IMPG1: variants seen among roughly 807,000 people sequenced by gnomAD.
The protein encoded by IMPG1 is interphotoreceptor matrix proteoglycan of 150 kDa.
Under a neutral mutation model 92.0 loss-of-function variants are expected in IMPG1, and 85 were observed. The observed-to-expected ratio is 0.92, with a 90% CI of 0.78 to 1.11. The LOEUF (loss-of-function observed/expected upper bound fraction) is 1.11, where lower values mean the gene tolerates loss of function less well. Among genes scored for constraint, IMPG1 ranks in the 50% least tolerant of loss-of-function variants. The pLI is 0.00. For synonymous variants in IMPG1, 367 were observed against 334.1 expected (o/e 1.10, Z -1.08); for missense variants, 1,022 against 956.0 (o/e 1.07, Z -0.91).
intron 14 of IMPG1, among the ~76,000 whole-genome samples, chr6:75,932,187 A>G (rs1160549561): frequency 3.9e-5 from 6 of 152,244 alleles, no homozygotes; most frequent in Admixed American, 3.9e-4. Flanking sequence ...CAGTCCTCTG[A>G]CTGGTCTCAC....
At chr6:76,007,289 C>A (rs1039527826) in intron 9 of IMPG1, among the ~76,000 whole-genome samples, 191 bp downstream of exon 9, 2 of 151,244 alleles carry the variant, frequency 1.3e-5, no homozygotes, top group African/African-American at 4.8e-5. Context: ...CACATAGTGA[C>A]TTTGATAAGA....
chr6:76,026,094 G>A (rs985769000), intron 4 of IMPG1, among the ~76,000 whole-genome samples: 9 of 151,050 alleles, frequency 6.0e-5, no homozygotes. Context: ...CATGCGGGAA[G>A]CACTCTAGCA....
At position 75,947,491 on chromosome 6, in the gene IMPG1, G is replaced by A; in HGVS notation, c.1867C>T (p.Leu623Phe). 2 of 1,613,742 alleles carry A rather than the reference G, an allele frequency of 1.2e-6. No individual in the cohort carries two copies. Among genetic ancestry groups the A allele is most frequent in the Non-Finnish European group, 8.5e-7 (1 of 1,179,798 alleles). The change falls in exon 14 of 17, where the codon CTT (leucine) becomes TTT (phenylalanine). Residue 623 changes from leucine to phenylalanine, a missense_variant. This residue lies in a region of IMPG1 where 332 missense variants were observed against 346.2 expected (regional missense o/e 0.96). Transcript: ENST00000369950. Reference protein sequence around the residue: ...LRSNLTGFKQLEILNFRNGSV... With the variant: ...LRSNLTGFKQFEILNFRNGSV... ...CCGTTTCTGAAGTTAAGTATTTCAA[G>A]TTGCTTAAATCCTGTAAGATTGGAT... is the stretch of plus-strand genomic sequence containing the variant.
intron 12 of IMPG1, among the ~76,000 whole-genome samples, chr6:75,982,852 G>A (rs958428750): frequency 6.6e-6 from 1 of 151,942 alleles, no homozygotes; most frequent in African/African-American, 2.4e-5. Flanking sequence ...CCAAAAGAAA[G>A]GGTGAGGAAC....
rs78344737 is a variant in IMPG1 at position 76,055,913 on chromosome 6, A to T, written c.68-13787T>A. On this transcript the variant is annotated intron_variant, in intron 1 of 16. Coordinates refer to ENST00000369950, the MANE Select transcript of IMPG1 (RefSeq NM_001563.4). ...TTATCATAACCTTAAAAAATTGAGT[A>T]GTCAAATATCTTTCTATGAATATCT... 9.9e-5 allele frequency among the ~76,000 whole-genome samples: 15 copies of T among 152,238 alleles called. No homozygotes were observed. In the East Asian group the frequency reaches 2.9e-3, roughly 29 times the overall value.
intron 14 of IMPG1, among the ~76,000 whole-genome samples, chr6:75,944,460 T>C (rs1240825832): frequency 6.6e-6 from 1 of 152,236 alleles, no homozygotes; most frequent in African/African-American, 2.4e-5. Context: ...AATTCTGCTG[T>C]CCTCAAACAC....
At chr6:75,978,548 G>C (rs556194011) in intron 12 of IMPG1, among the ~76,000 whole-genome samples, 1 of 152,244 alleles carries the variant, frequency 6.6e-6, no homozygotes, top group Admixed American at 6.5e-5. Context: ...ACTATGGCAG[G>C]TTCAGTACTA....
At chr6:76,030,079 C>T (rs980597349) in intron 4 of IMPG1, among the ~76,000 whole-genome samples, 1 of 152,212 alleles carries the variant, frequency 6.6e-6, no homozygotes, top group Non-Finnish European at 1.5e-5. Flanking sequence ...ATTAAGCCAA[C>T]CCCAAGCTTC....
intron 1 of IMPG1, among the ~76,000 whole-genome samples, chr6:76,060,090 C>T (rs1784179971): frequency 6.6e-6 from 1 of 152,174 alleles, no homozygotes; most frequent in African/African-American, 2.4e-5. Context: ...TTTTCCTTAA[C>T]TCTTTTCCTG....
intron 1 of IMPG1, among the ~76,000 whole-genome samples, chr6:76,066,345 G>C (rs1784310442): frequency 1.3e-5 from 2 of 151,992 alleles, no homozygotes; most frequent in Non-Finnish European, 2.9e-5. Flanking sequence ...AACACTCATA[G>C]ACTGAAGCTA....
At chr6:76,021,400 G>C (rs1168114221) in intron 6 of IMPG1, among the ~76,000 whole-genome samples, 1 of 152,106 alleles carries the variant, frequency 6.6e-6, no homozygotes, top group Non-Finnish European at 1.5e-5. Flanking sequence ...CTTCCTGAGG[G>C]CTGTATCATG....
intron 14 of IMPG1, chr6:75,934,910 C>G: frequency 4.3e-6 from 2 of 469,488 alleles, no homozygotes; most frequent in Non-Finnish European, 8.9e-6. Flanking sequence ...TTGCGCTGTC[C>G]CATTTTACTC....
At chr6:75,992,194 A>T (rs1395879624) in intron 12 of IMPG1, among the ~76,000 whole-genome samples, 1 of 152,220 alleles carries the variant, frequency 6.6e-6, no homozygotes, top group Non-Finnish European at 1.5e-5. Flanking sequence ...TCAAAGTGCA[A>T]CTTTCCCTGG....
intron 13 of IMPG1, 87 bp from the exon 14 acceptor site, chr6:75,947,620 G>A (rs1475923920): frequency 3.1e-5 from 28 of 897,178 alleles, no homozygotes; most frequent in East Asian, 2.6e-5. Context: ...TTCATTAACC[G>A]AGACATATAT....
chr6:75,942,888 T>G lies in IMPG1; in HGVS notation c.2044+4426A>C, dbSNP rs1781858320. On this transcript the variant is annotated intron_variant, in intron 14 of 16. Coordinates refer to ENST00000369950, the MANE Select transcript of IMPG1 (RefSeq NM_001563.4). ...TGTATGTATTTCCTCAGACTAAAAT[T>G]GTATAGGAGTACTGATGCTAGAAAC... Among the ~76,000 whole-genome samples, 4 of 152,254 alleles carry G rather than the reference T, an allele frequency of 2.6e-5. No individual in the cohort carries two copies. The South Asian group carries it at 8.3e-4, about 31-fold the overall frequency.
chr6:76,029,503 A>G (rs1004314678), intron 4 of IMPG1, among the ~76,000 whole-genome samples: 1 of 152,258 alleles, frequency 6.6e-6, no homozygotes, highest in Non-Finnish European at 1.5e-5. Flanking sequence ...TACATTTGTC[A>G]TTAAATTCTA....
At chr6:75,933,285 G>A (rs1379699068) in intron 14 of IMPG1, among the ~76,000 whole-genome samples, 1 of 152,112 alleles carries the variant, frequency 6.6e-6, no homozygotes, top group African/African-American at 2.4e-5. Flanking sequence ...CCTCATGATT[G>A]GTGTGTAGAC....
intron 12 of IMPG1, among the ~76,000 whole-genome samples, chr6:75,951,519 C>CT (rs1305020681): frequency 3.3e-5 from 5 of 152,188 alleles, no homozygotes; most frequent in African/African-American, 1.2e-4. Flanking sequence ...TCCCAGACAA[C>CT]TAGGTGTGCA....
At chr6:76,053,268 A>G (rs1248865678) in intron 1 of IMPG1, among the ~76,000 whole-genome samples, 1 of 152,208 alleles carries the variant, frequency 6.6e-6, no homozygotes, top group Admixed American at 6.5e-5. Context: ...TGTGAGCAAC[A>G]CTATGCTTTC....
Sources: allele counts gnomAD v4.1 joint callset (sites outside exome capture counted in the v4.1 genomes callset), GRCh38; gene constraint gnomAD v4.1.1; regional missense constraint gnomAD v4.1.1; transcripts MANE v1.5; gene names NCBI Gene and HGNC (gene_info 2026-07-23, HGNC 2026-07-21).